Variants in ARL15 observed in about 807,000 individuals in gnomAD.
ARL15 encodes the protein ADP-ribosylation factor-like protein 15.
In ARL15, 19 loss-of-function variants were observed where a neutral mutation model predicts 25.2. The ratio of observed to expected loss-of-function variants is 0.75; its 90% CI spans 0.53 to 1.10. The LOEUF (loss-of-function observed/expected upper bound fraction) is 1.10, where lower values mean the gene tolerates loss of function less well. ARL15 is among the 50% of genes least tolerant of loss of function. The probability of loss-of-function intolerance (pLI) is 0.00; values close to 1 mark genes in which losing one functional copy is unlikely to be tolerated. For missense variants in ARL15, 220 were observed against 246.0 expected, an observed-to-expected ratio of 0.89 and a Z score of 0.71; for synonymous variants, 94 against 86.8, an observed-to-expected ratio of 1.08 and a Z score of -0.46.
intron 4 of ARL15, among the ~76,000 whole-genome samples, chr5:53,937,707 G>GT (rs1746395439): frequency 6.6e-6 from 1 of 152,076 alleles, no homozygotes; most frequent in South Asian, 2.1e-4. Flanking sequence ...ACCTGGGTAT[G>GT]TGTAAGTACA....
intron 1 of ARL15, among the ~76,000 whole-genome samples, chr5:54,215,758 G>A (rs953913168): frequency 1.5e-5 from 2 of 136,848 alleles, no homozygotes; most frequent in Non-Finnish European, 3.1e-5. Context: ...TACAAAAATT[G>A]ATCTGAAGAC....
rs543631613 is a variant in ARL15, at chr5:54,268,111, G to A, written c.48+42321C>T. Among the ~76,000 whole-genome samples, 5 of 152,058 alleles carry A rather than the reference G, an allele frequency of 3.3e-5. No individual in the cohort carries two copies. The East Asian group carries it at 9.7e-4, about 29-fold the overall frequency. Reference sequence around the variant, plus strand: ...CCGTCACTTTCAGGTACACCAATCAGACGTAGATTTGGTCTTTTCACATAG... The same window carrying A: ...CCGTCACTTTCAGGTACACCAATCAAACGTAGATTTGGTCTTTTCACATAG... On this transcript the variant is annotated intron_variant, in intron 1 of 4. Coordinates refer to ENST00000504924, the MANE Select transcript of ARL15 (RefSeq NM_019087.3).
chr5:54,044,495 T>G (rs1018894302), intron 4 of ARL15, among the ~76,000 whole-genome samples: 1 of 152,142 alleles, frequency 6.6e-6, no homozygotes, highest in Admixed American at 6.5e-5. Flanking sequence ...TCCACCCGCC[T>G]TGGCCTCCCA....
At chr5:54,029,751 C>A (rs1449054560) in intron 4 of ARL15, among the ~76,000 whole-genome samples, 1 of 151,928 alleles carries the variant, frequency 6.6e-6, no homozygotes, top group East Asian at 1.9e-4. Context: ...CTCAGCACTT[C>A]GGGAGGCTGA....
intron 4 of ARL15, among the ~76,000 whole-genome samples, chr5:54,039,620 G>A (rs1265136688): frequency 6.6e-6 from 1 of 151,786 alleles, no homozygotes; most frequent in Non-Finnish European, 1.5e-5. Flanking sequence ...GACCAACATG[G>A]TGAAACCCCT....
At chr5:54,018,393 A>G (rs537694833) in intron 4 of ARL15, among the ~76,000 whole-genome samples, 4 of 152,330 alleles carry the variant, frequency 2.6e-5, no homozygotes, top group Admixed American at 2.6e-4. Context: ...TCTGTGAACC[A>G]TAAGTAAATT....
intron 1 of ARL15, among the ~76,000 whole-genome samples, chr5:54,280,212 G>A (rs985300785): frequency 1.1e-4 from 16 of 152,196 alleles, no homozygotes; most frequent in African/African-American, 3.9e-4. Context: ...TCTACCTTTT[G>A]TGGTTTCCTC....
chr5:54,181,867 A>T (rs537754404), intron 1 of ARL15, among the ~76,000 whole-genome samples: 161 of 149,782 alleles, frequency 1.1e-3, no homozygotes, highest in African/African-American at 3.5e-3. Flanking sequence ...GATATCTCAT[A>T]GTGGTTTTGA....
chr5:54,230,917 G>A (rs1308569458), intron 1 of ARL15, among the ~76,000 whole-genome samples: 2 of 152,254 alleles, frequency 1.3e-5, no homozygotes, highest in East Asian at 3.9e-4. Context: ...TATTTTACAG[G>A]AGATGAAAGA....
intron 1 of ARL15, among the ~76,000 whole-genome samples, chr5:54,272,770 ATTG>A (rs1579971456): frequency 6.6e-6 from 1 of 152,180 alleles, no homozygotes; most frequent in East Asian, 1.9e-4. Context: ...GAAGGTAAAA[ATTG>A]TTTTTTCCTA....
chr5:53,976,595 C>T (rs1332812563), intron 4 of ARL15, among the ~76,000 whole-genome samples: 1 of 152,216 alleles, frequency 6.6e-6, no homozygotes, highest in African/African-American at 2.4e-5. Flanking sequence ...AAACCGTAGT[C>T]TAGAAGATTG....
At chr5:54,185,300 T>C (rs1263145380) in intron 1 of ARL15, among the ~76,000 whole-genome samples, 1 of 152,164 alleles carries the variant, frequency 6.6e-6, no homozygotes, top group African/African-American at 2.4e-5. Flanking sequence ...GGCTGGCTCT[T>C]AGTTACCCTT....
chr5:54,102,019 G>GTT (rs11437215), intron 4 of ARL15, among the ~76,000 whole-genome samples: 22,488 of 146,432 alleles, frequency 0.15, 1,854 homozygotes, highest in African/African-American at 0.19. Flanking sequence ...TTTTTGTTTT[G>GTT]TTTTTTTTTT....
chr5:54,101,566 G>C (rs766477663), intron 4 of ARL15, among the ~76,000 whole-genome samples: 2 of 152,110 alleles, frequency 1.3e-5, no homozygotes, highest in Non-Finnish European at 2.9e-5. Flanking sequence ...AGAAAACTGT[G>C]CTGTATTAGC....
chr5:54,149,002 A>T (rs772895222), intron 3 of ARL15, among the ~76,000 whole-genome samples: 11 of 152,346 alleles, frequency 7.2e-5, no homozygotes, highest in Middle Eastern at 3.4e-3. Context: ...AAAATGCAAC[A>T]TTATCAGAGC....
intron 1 of ARL15, among the ~76,000 whole-genome samples, chr5:54,290,628 A>G (rs1222021166): frequency 1.3e-5 from 2 of 152,114 alleles, no homozygotes; most frequent in African/African-American, 4.8e-5. Flanking sequence ...TTAATATTCA[A>G]TAATATTTAA....
intron 1 of ARL15, among the ~76,000 whole-genome samples, chr5:54,304,111 T>C (rs906033492): frequency 6.6e-6 from 1 of 152,206 alleles, no homozygotes; most frequent in Non-Finnish European, 1.5e-5. Context: ...ACCTGTTTAC[T>C]TAAGAAGCAA....
At chr5:54,028,420 C>T (rs31232) in intron 4 of ARL15, among the ~76,000 whole-genome samples, 141,551 of 152,024 alleles carry the variant, frequency 0.93, 65,967 homozygotes, top group African/African-American at 0.98. Flanking sequence ...CTAATTTGAG[C>T]AAATTTTCTC....
rs12109905 is a variant in ARL15, at chr5:54,046,206, C to T, written c.462+66996G>A. Among the ~76,000 whole-genome samples, 1,217 of 152,218 alleles carry T rather than the reference C, an allele frequency of 8.0e-3. 17 individuals are homozygous for T. The highest frequency in any genetic ancestry group is 0.028 in the African/African-American group (1,174 of 41,558). ...TGGATTAAAAATAGAATGGGCTGGG[C>T]GTGGTGGCTTACACCTGTAATCCCA... On this transcript the variant is annotated intron_variant, in intron 4 of 4. Coordinates refer to ENST00000504924, the MANE Select transcript of ARL15 (RefSeq NM_019087.3).
Sources: gnomAD v4.1 joint callset for allele counts (sites outside exome capture counted in the v4.1 genomes callset) on GRCh38, gnomAD v4.1.1 for gene constraint, MANE v1.5 for transcripts, NCBI Gene and HGNC (gene_info 2026-07-23, HGNC 2026-07-21) for gene names.